The following NRF1 variants were observed in gnomAD, a reference collection of about 807,000 sequenced individuals.
NRF1 encodes the protein alpha palindromic-binding protein.
In NRF1, 5 loss-of-function variants were observed where a neutral mutation model predicts 58.5. The ratio of observed to expected loss-of-function variants is 0.09; its 90% CI spans 0.04 to 0.18. The LOEUF is 0.18. Ranked by LOEUF, NRF1 falls within the 10% of genes least tolerant of loss-of-function variation. NRF1 has a pLI of 1.00. For synonymous variants in NRF1, 224 were observed against 246.7 expected (o/e 0.91, Z 0.86); for missense variants, 288 against 657.7 (o/e 0.44, Z 6.15).
intron 10 of NRF1, among the ~76,000 whole-genome samples, chr7:129,738,744 T>G (rs1803779820): frequency 6.6e-6 from 1 of 152,168 alleles, no homozygotes; most frequent in Non-Finnish European, 1.5e-5. Flanking sequence ...CCCAGTAAAC[T>G]GAGTAGAATA....
chr7:129,622,116 C>T (rs1324406953), intron 1 of NRF1, among the ~76,000 whole-genome samples: 1 of 151,984 alleles, frequency 6.6e-6, no homozygotes, highest in Non-Finnish European at 1.5e-5. Flanking sequence ...AGAAGAAAAG[C>T]ACCCCCCATT....
intron 9 of NRF1, among the ~76,000 whole-genome samples, chr7:129,720,346 A>C (rs1393981790): frequency 2.0e-5 from 3 of 152,172 alleles, no homozygotes; most frequent in African/African-American, 7.2e-5. Context: ...TGTAAGAAAC[A>C]AGCCCTTAAC....
intron 10 of NRF1, among the ~76,000 whole-genome samples, chr7:129,753,758 T>C (rs1464588620): frequency 6.6e-6 from 1 of 152,134 alleles, no homozygotes. Flanking sequence ...AAAATGTGTT[T>C]TTACATTTTA....
chr7:129,614,482 A>AT (rs34232648), intron 1 of NRF1, among the ~76,000 whole-genome samples: 17 of 114,912 alleles, frequency 1.5e-4, no homozygotes, highest in African/African-American at 4.2e-4. Context: ...CATATATATA[A>AT]TTTTTTTTTT....
intron 10 of NRF1, chr7:129,744,218 AC>A (rs1276270467): frequency 9.7e-6 from 15 of 1,547,646 alleles, no homozygotes; most frequent in Non-Finnish European, 1.3e-5. Context: ...ATCCTGACTG[AC>A]AAAGCCACAG....
At chr7:129,673,736 G>A (rs1030334157) in intron 3 of NRF1, among the ~76,000 whole-genome samples, 7 of 98,232 alleles carry the variant, frequency 7.1e-5, no homozygotes, top group Non-Finnish European at 8.7e-5. Flanking sequence ...AAAAAAAAAA[G>A]CTGTTTTCGG....
At position 129,741,536 on chromosome 7, in the gene NRF1, G is replaced by A. The variant is rs1032768804; in HGVS notation, c.1349-13482G>A. Among the ~76,000 whole-genome samples the A allele has an allele frequency of 6.6e-6, 1 of 152,080 alleles. No homozygotes were observed. Among genetic ancestry groups the A allele is most frequent in the Non-Finnish European group, 1.5e-5 (1 of 68,012 alleles). On this transcript the variant is annotated intron_variant, in intron 10 of 10. Coordinates refer to ENST00000393232, the MANE Select transcript of NRF1 (RefSeq NM_005011.5). The surrounding 1 kb of genome is among the most constrained non-coding windows in gnomAD (Gnocchi z 4.0). ...AGCCATAATTGGACAAGTTTAATTG[G>A]AGTCATTTCTATTCAATACATGGAT...
chr7:129,662,411 TG>T (rs1801805881), intron 2 of NRF1, among the ~76,000 whole-genome samples: 2 of 151,554 alleles, frequency 1.3e-5, no homozygotes, highest in East Asian at 1.9e-4. Context: ...TGTGTGTGTG[TG>T]TGTGTGTGTG....
At chr7:129,619,431 T>TAC (rs1188708134) in intron 1 of NRF1, among the ~76,000 whole-genome samples, 4 of 71,532 alleles carry the variant, frequency 5.6e-5, no homozygotes, top group African/African-American at 7.7e-5. Context: ...TATATATATA[T>TAC]ATACACACAC....
chr7:129,680,413 T>C (rs896327119), intron 4 of NRF1, among the ~76,000 whole-genome samples: 3 of 152,214 alleles, frequency 2.0e-5, no homozygotes, highest in African/African-American at 7.2e-5. Flanking sequence ...AAAAGTAAAG[T>C]TGCCATGTGT....
At chr7:129,690,324 C>T (rs1047102969) in intron 4 of NRF1, 82 bp from the exon 5 acceptor site, 3 of 1,468,946 alleles carry the variant, frequency 2.0e-6, no homozygotes, top group African/African-American at 2.8e-5. Context: ...GAAGGCCAGC[C>T]CCACCCACTC....
intron 10 of NRF1, among the ~76,000 whole-genome samples, chr7:129,732,631 T>C (rs1177017345): frequency 1.3e-5 from 2 of 151,712 alleles, no homozygotes; most frequent in Non-Finnish European, 2.9e-5. Context: ...AGACGGAGTT[T>C]CACTCTTGTT....
At chr7:129,669,286 A>G (rs2151082283) in intron 2 of NRF1, among the ~76,000 whole-genome samples, 1 of 152,314 alleles carries the variant, frequency 6.6e-6, no homozygotes, top group African/African-American at 2.4e-5. Context: ...TTTAAAATGT[A>G]TTGAATGTAT....
At chr7:129,624,165 A>C (rs1800865232) in intron 1 of NRF1, among the ~76,000 whole-genome samples, 1 of 152,236 alleles carries the variant, frequency 6.6e-6, no homozygotes, top group Admixed American at 6.5e-5. Flanking sequence ...CCAAAGGATG[A>C]CTAAATCCAT....
In NRF1 at chr7:129,704,978, T is replaced by A. The variant is rs187868303; in HGVS notation, c.607-4097T>A. 4.7e-3 allele frequency among the ~76,000 whole-genome samples: 709 copies of A among 151,568 alleles called. 2 individuals are homozygous for A. The highest frequency in any genetic ancestry group is 0.015 in the African/African-American group (617 of 41,372). ...TGGATGCTTAAAGCATCTACTTTTT[T>A]AAAAAAAAAGAAACAGCTTTTTCTT... On this transcript the variant is annotated intron_variant, in intron 5 of 10. Transcript: ENST00000393232.
chr7:129,677,053 C>T (rs1179878864), intron 3 of NRF1, among the ~76,000 whole-genome samples: 1 of 122,314 alleles, frequency 8.2e-6, no homozygotes, highest in African/African-American at 3.0e-5. Flanking sequence ...CTCTGTTGCT[C>T]AGGCTGGAGT....
chr7:129,718,443 A>G (rs561009832), intron 9 of NRF1, among the ~76,000 whole-genome samples: 12 of 152,208 alleles, frequency 7.9e-5, no homozygotes, highest in Non-Finnish European at 1.8e-4. Context: ...AGTGTCTTGT[A>G]TACAGTAAGG....
At chr7:129,666,499 T>C (rs979274257) in intron 2 of NRF1, among the ~76,000 whole-genome samples, 1 of 152,224 alleles carries the variant, frequency 6.6e-6, no homozygotes, top group Non-Finnish European at 1.5e-5. Context: ...TTAACTGTTA[T>C]ATGGTATTCC....
At chr7:129,665,634 T>G (rs74846847) in intron 2 of NRF1, among the ~76,000 whole-genome samples, 1 of 152,004 alleles carries the variant, frequency 6.6e-6, no homozygotes, top group Admixed American at 6.6e-5. Flanking sequence ...TTGTTGTTGG[T>G]TTTTTTTGAG....
Sources: allele counts gnomAD v4.1 joint callset (sites outside exome capture counted in the v4.1 genomes callset), GRCh38; gene constraint gnomAD v4.1.1; non-coding constraint Gnocchi (gnomAD v3.1); transcripts MANE v1.5; gene names NCBI Gene and HGNC (gene_info 2026-07-23, HGNC 2026-07-21).